Variants in DICER1 observed in about 807,000 individuals in gnomAD.
DICER1 encodes dicer 1, ribonuclease III.
DICER1 carries 43 observed loss-of-function variants against 194.1 expected under a neutral mutation model. That is an observed-to-expected ratio of 0.22 (90% CI 0.17 to 0.29). The LOEUF (loss-of-function observed/expected upper bound fraction) is 0.29. Among genes scored for constraint, DICER1 ranks in the 10% least tolerant of loss-of-function variants. DICER1 has a pLI of 1.00. For synonymous variants in DICER1, 832 were observed against 820.5 expected (o/e 1.01, Z -0.24); for missense variants, 1,608 against 2,317.0 (o/e 0.69, Z 6.28).
chr14:95,094,357 T>C (rs1272910302), intron 23 of DICER1, among the ~76,000 whole-genome samples: 1 of 152,226 alleles, frequency 6.6e-6, no homozygotes, highest in East Asian at 1.9e-4. Flanking sequence ...ACATTTCTTA[T>C]ATAAACTGGG....
At chr14:95,147,391 G>T (rs1245636703) in intron 1 of DICER1, among the ~76,000 whole-genome samples, 1 of 152,144 alleles carries the variant, frequency 6.6e-6, no homozygotes, top group Non-Finnish European at 1.5e-5. Context: ...ACCTGAGCCT[G>T]GGGGGCTGCA....
Position 95,133,463 on chromosome 14 carries a change from C to A in DICER1, c.-5G>T. 1 of 1,611,024 alleles carries A rather than the reference C, an allele frequency of 6.2e-7. No homozygotes were observed. The highest frequency in any genetic ancestry group is 8.5e-7 in the Non-Finnish European group (1 of 1,178,316). On this transcript the variant is annotated 5_prime_UTR_variant, in exon 2 of 27. Coordinates refer to ENST00000343455, the MANE Select transcript of DICER1 (RefSeq NM_177438.3). Reference sequence around the variant, plus strand: ...TTGCAAAGCAGGGCTTTTCATTCATCCAGTGTTTCTTTCATTGCATTTTTG... The same window carrying A: ...TTGCAAAGCAGGGCTTTTCATTCATACAGTGTTTCTTTCATTGCATTTTTG...
At chr14:95,095,441 C>T (rs986151967) in intron 23 of DICER1, 4 of 240,356 alleles carry the variant, frequency 1.7e-5, no homozygotes, top group African/African-American at 9.1e-5. Flanking sequence ...CAATAAAAGG[C>T]TGTGGAAATA....
chr14:95,128,507 T>C (rs533152589), intron 6 of DICER1, among the ~76,000 whole-genome samples: 11 of 152,376 alleles, frequency 7.2e-5, no homozygotes, highest in South Asian at 2.1e-4. Flanking sequence ...CTAAGTTTGA[T>C]AGATCCCAAA....
intron 1 of DICER1, among the ~76,000 whole-genome samples, chr14:95,155,188 G>C (rs941392383): frequency 1.1e-4 from 16 of 152,302 alleles, no homozygotes; most frequent in Non-Finnish European, 2.1e-4. Flanking sequence ...AGGATTAGAA[G>C]AGAATGTACG....
intron 1 of DICER1, among the ~76,000 whole-genome samples, chr14:95,156,643 A>C (rs1463660959): frequency 6.6e-6 from 1 of 152,262 alleles, no homozygotes; most frequent in Non-Finnish European, 1.5e-5. Flanking sequence ...GCATTTTGGC[A>C]CAAAAACATC....
chr14:95,091,018 TAC>T lies in DICER1; in HGVS notation c.5603+14_5603+15del, dbSNP rs749621418. 6.2e-7 allele frequency: 1 copy of T among 1,607,530 alleles called. No individual in the cohort carries two copies. The highest frequency in any genetic ancestry group is 1.1e-5 in the South Asian group (1 of 90,912). ...TTTTTAAGTTAATGTTTTTTCCATG[TAC>T]ATTTTTTGCTTACCTAAATTTGGCA... On this transcript the variant is annotated intron_variant, in intron 26 of 26. Coordinates refer to ENST00000343455, the MANE Select transcript of DICER1 (RefSeq NM_177438.3).
At chr14:95,108,933 A>C (rs1236197654) in intron 14 of DICER1, among the ~76,000 whole-genome samples, 6 of 152,192 alleles carry the variant, frequency 3.9e-5, no homozygotes, top group Non-Finnish European at 7.3e-5. Flanking sequence ...CTATCACTCA[A>C]AGACAGCCTT....
chr14:95,091,154 T>C, intron 25 of DICER1, 45 bp from the exon 26 acceptor site: 1 of 1,614,000 alleles, frequency 6.2e-7, no homozygotes, highest in Non-Finnish European at 8.5e-7. Flanking sequence ...TCTCTGAAGT[T>C]GTTTTTAATT....
intron 6 of DICER1, 35 bp downstream of exon 6, chr14:95,129,437 A>G: frequency 6.2e-7 from 1 of 1,604,678 alleles, no homozygotes; most frequent in Non-Finnish European, 8.5e-7. Context: ...TTTTCAACTA[A>G]TCTCATTAAA....
chr14:95,138,992 AAT>A lies in DICER1; in HGVS notation c.-45-5491_-45-5490del, dbSNP rs1224182227. Among the ~76,000 whole-genome samples, 184 of 35,406 alleles carry A rather than the reference AAT, an allele frequency of 5.2e-3. 1 individual carries two copies. The highest frequency in any genetic ancestry group is 0.025 in the African/African-American group (160 of 6,466). The allele number at this position is 35,406 out of a possible 152,430, so 23.2% of individuals were successfully genotyped here. ...TAAAAAAAATAAAAATAAATAAAAA[AAT>A]AAAAAAAAAAAAAAAAGAATGCTAT... On this transcript the variant is annotated intron_variant, in intron 1 of 26. Transcript: ENST00000343455.
chr14:95,134,089 A>T (rs112772462), intron 1 of DICER1, among the ~76,000 whole-genome samples: 1 of 152,176 alleles, frequency 6.6e-6, no homozygotes, highest in South Asian at 2.1e-4. Flanking sequence ...CTGCACCACG[A>T]AAGATTTAGA....
chr14:95,092,963 G>A (rs1156755311), intron 24 of DICER1, among the ~76,000 whole-genome samples: 1 of 152,146 alleles, frequency 6.6e-6, no homozygotes, highest in Admixed American at 6.5e-5. Context: ...GTAAGAGCAG[G>A]GCCTACTGAC....
At chr14:95,102,979 C>T (rs920958405) in intron 21 of DICER1, among the ~76,000 whole-genome samples, 3 of 152,166 alleles carry the variant, frequency 2.0e-5, no homozygotes, top group African/African-American at 7.2e-5. Flanking sequence ...ATGTTTAACT[C>T]AACAAAGCAG....
rs1360182417 is a variant in DICER1 at position 95,091,105 on chromosome 14, C to T, written c.5532G>A (p.Lys1844=). 6.2e-7 allele frequency: 1 copy of T among 1,614,066 alleles called. No individual in the cohort carries two copies. The highest frequency in any genetic ancestry group is 8.5e-7 in the Non-Finnish European group (1 of 1,179,980). ...YYPMMRPLIE[K]FSANVPRSPV... is the part of the protein sequence containing the mutation. ...GGGAACGGGGTACATTTGCAGAAAACTTTTCTGCAATCAAAATGAAAGAAT... is the reference window on the plus strand; with the variant it reads ...GGGAACGGGGTACATTTGCAGAAAATTTTTCTGCAATCAAAATGAAAGAAT... Residue 1844 remains lysine, a synonymous_variant, in exon 26 of 27, where the codon AAG becomes AAA. Coordinates refer to ENST00000343455, the MANE Select transcript of DICER1 (RefSeq NM_177438.3).
intron 14 of DICER1, among the ~76,000 whole-genome samples, chr14:95,109,136 G>A (rs568096347): frequency 1.6e-4 from 25 of 152,232 alleles, no homozygotes; most frequent in African/African-American, 2.2e-4. Context: ...ATATCTGTCC[G>A]AGTCAATATG....
intron 24 of DICER1, among the ~76,000 whole-genome samples, chr14:95,092,510 A>C (rs1447615061): frequency 6.6e-6 from 1 of 152,226 alleles, no homozygotes; most frequent in African/African-American, 2.4e-5. Flanking sequence ...ATTACTTAAA[A>C]AAACAGACTT....
rs549056841 is a variant in DICER1 at position 95,124,100 on chromosome 14, C to CA, written c.1376+95_1376+96insT. 897 of 884,214 alleles carry CA rather than the reference C, an allele frequency of 1.0e-3. 25 individuals carry two copies. In the South Asian group the frequency reaches 0.012, roughly 12 times the overall value. 54.8% of individuals were successfully genotyped at this position (884,214 alleles called of 1,614,324 possible). On this transcript the variant is annotated intron_variant, in intron 8 of 26. Coordinates refer to ENST00000343455, the MANE Select transcript of DICER1 (RefSeq NM_177438.3). The surrounding 1 kb of genome is among the most constrained non-coding windows in gnomAD (Gnocchi z 4.5). ...CGCCAAGTCAAGGACACTTACATAA[C>CA]CCTCATGCTAGCTCTTACAGCTGCT...
chr14:95,121,809 C>T (rs1892958262), intron 8 of DICER1, among the ~76,000 whole-genome samples: 1 of 152,018 alleles, frequency 6.6e-6, no homozygotes, highest in Admixed American at 6.6e-5. Context: ...ACTTAGAAAC[C>T]CCTATGTAAA....
Sources: allele counts gnomAD v4.1 joint callset (sites outside exome capture counted in the v4.1 genomes callset), GRCh38; gene constraint gnomAD v4.1.1; non-coding constraint Gnocchi (gnomAD v3.1); transcripts MANE v1.5; gene names NCBI Gene and HGNC (gene_info 2026-07-23, HGNC 2026-07-21).